The following PTPRB variants were observed in gnomAD, a reference collection of about 807,000 sequenced individuals.
PTPRB encodes protein tyrosine phosphatase receptor type B, also known as receptor-type tyrosine-protein phosphatase beta.
In PTPRB, 97 loss-of-function variants were observed where a neutral mutation model predicts 238.1. The observed-to-expected ratio is 0.41, with a 90% CI of 0.35 to 0.48. The LOEUF is 0.48. Among genes scored for constraint, PTPRB ranks in the 20% least tolerant of loss-of-function variants. The pLI is 0.30. For missense variants in PTPRB, 2,292 were observed against 2,681.9 expected (o/e 0.85, Z 3.21); for synonymous variants, 970 against 995.4 (o/e 0.97, Z 0.48).
rs112333061 is a variant in PTPRB at position 70,581,283 on chromosome 12, G to A, written c.2331C>T (p.Asp777=). 4,844 of 1,613,380 alleles carry A rather than the reference G, an allele frequency of 3.0e-3. 10 individuals carry two copies. The highest frequency in any genetic ancestry group is 3.5e-3 in the Non-Finnish European group (4,071 of 1,179,512). ...KGRTVPAQVT[D]LHVANQGMTS... ...TCATTCCTTGGTTGGCCACATGCAA[G>A]TCAGTCACTTGGGCAGGCACTAAAA... is the stretch of plus-strand genomic sequence containing the variant. Residue 777 remains aspartate, a synonymous_variant, in exon 10 of 34, where the codon GAC becomes GAT. Coordinates refer to ENST00000334414, the MANE Select transcript of PTPRB (RefSeq NM_001109754.4).
intron 2 of PTPRB, among the ~76,000 whole-genome samples, chr12:70,623,194 C>G (rs886423005): frequency 2.0e-5 from 3 of 152,154 alleles, no homozygotes; most frequent in African/African-American, 7.2e-5. Context: ...ACAGTGCAAA[C>G]TGTTTCTAAT....
chr12:70,636,388 A>G (rs1885693636), intron 1 of PTPRB, among the ~76,000 whole-genome samples: 2 of 151,954 alleles, frequency 1.3e-5, no homozygotes, highest in Non-Finnish European at 1.5e-5. Context: ...TCCAAAGTAT[A>G]TAGTATATTT....
intron 32 of PTPRB, among the ~76,000 whole-genome samples, chr12:70,528,583 C>T (rs73330195): frequency 0.028 from 4,324 of 152,222 alleles, 217 homozygotes; most frequent in African/African-American, 0.098. Context: ...AAGAAATCCA[C>T]TCCATTGAGC....
intron 16 of PTPRB, among the ~76,000 whole-genome samples, chr12:70,562,457 A>G (rs908810993): frequency 6.6e-6 from 1 of 152,072 alleles, no homozygotes; most frequent in African/African-American, 2.4e-5. Context: ...CCTGTTTGTT[A>G]TATTTGTGGT....
chr12:70,632,255 A>T (rs550472429), intron 2 of PTPRB, among the ~76,000 whole-genome samples: 2 of 152,352 alleles, frequency 1.3e-5, no homozygotes, highest in East Asian at 1.9e-4. Context: ...AGCCATAAAA[A>T]ATGATGAGTT....
intron 32 of PTPRB, among the ~76,000 whole-genome samples, chr12:70,529,698 A>C (rs1872891876): frequency 6.6e-6 from 1 of 152,174 alleles, no homozygotes; most frequent in Admixed American, 6.5e-5. Context: ...GCAACCTTTG[A>C]TGAAATAACA....
Position 70,596,170 on chromosome 12 carries a change from T to C in PTPRB, c.1137A>G (p.Glu379=). ...AAGTGTATTCATTCCATGAAGTACT[T>C]TCTTGAATTTGAACCCCCTGTATCT... ...NQKIQGVQIQ[E]STSWNEYTFF... is the part of the protein sequence containing the mutation. Residue 379 remains glutamate, a synonymous_variant, in exon 5 of 34, where the codon GAA becomes GAG. Coordinates refer to ENST00000334414, the MANE Select transcript of PTPRB (RefSeq NM_001109754.4). 1.9e-6 allele frequency: 3 copies of C among 1,613,780 alleles called. No individual in the cohort carries two copies. The highest frequency in any genetic ancestry group is 1.7e-6 in the Non-Finnish European group (2 of 1,179,804).
At position 70,560,830 on chromosome 12, in the gene PTPRB, T is replaced by C; in HGVS notation, c.4273A>G (p.Ile1425Val). 1 of 1,614,006 alleles carries C rather than the reference T, an allele frequency of 6.2e-7. No homozygotes were observed. The highest frequency in any genetic ancestry group is 8.5e-7 in the Non-Finnish European group (1 of 1,179,898). The change falls in exon 17 of 34, where the codon ATT becomes GTT. Residue 1425 changes from isoleucine to valine, a missense_variant. Physicochemically the swap from Ile to Val is conservative, Grantham distance 29. Coordinates refer to ENST00000334414, the MANE Select transcript of PTPRB (RefSeq NM_001109754.4). This position sits in a 1 kb window ranked among gnomAD's most constrained non-coding sequence, Gnocchi z 4.2. ...ASGDFDFYELILYNPNGTKKE... is the reference protein window; with the variant it reads ...ASGDFDFYELVLYNPNGTKKE... Reference sequence around the variant, plus strand: ...TTTGTGCCATTGGGATTATAGAGAATCAGCTCATAAAAGTCAAAGTCCCCA... The same window carrying C: ...TTTGTGCCATTGGGATTATAGAGAACCAGCTCATAAAAGTCAAAGTCCCCA...
At chr12:70,548,342 TCTCTCACACACACACACACACACA>T (rs1876368798) in intron 21 of PTPRB, among the ~76,000 whole-genome samples, 1 of 58,438 alleles carries the variant, frequency 1.7e-5, no homozygotes, top group Non-Finnish European at 3.2e-5. Context: ...TCTCTCTCTC[TCTCTCACACACACACACACACACA>T]CACACACACA....
Position 70,521,370 on chromosome 12 carries a change from TAATA to T in PTPRB, c.*115_*118del, listed in dbSNP as rs1871630767. On this transcript the variant is annotated 3_prime_UTR_variant, in exon 34 of 34. Transcript: ENST00000334414. ...ATAAAATTTTAAACATTCTCCAGAT[TAATA>T]AATTATACATAGTATCAACAGAAAT... The T allele has an allele frequency of 1.7e-5, 10 of 604,012 alleles. No homozygotes were observed. Among genetic ancestry groups the T allele is most frequent in the Non-Finnish European group, 2.4e-5 (9 of 376,682 alleles). 37.4% of individuals were successfully genotyped at this position (604,012 alleles called of 1,614,324 possible). A position where few individuals can be genotyped will look rare whatever the true frequency, so the allele number is the denominator to read the frequency against.
In PTPRB at chr12:70,550,176, G is replaced by A. The variant is rs140129441; in HGVS notation, c.5387+2601C>T. ...CCAACTGCCCAGCTGTGGGCTGACA[G>A]GATAGTGTGGGTGGTTGAGGGTTGA... On this transcript the variant is annotated intron_variant, in intron 21 of 33. Transcript: ENST00000334414. 5.7e-3 allele frequency among the ~76,000 whole-genome samples: 872 copies of A among 152,336 alleles called. 6 individuals are homozygous for A. Among genetic ancestry groups the A allele is most frequent in the South Asian group, 0.04 (192 of 4,824 alleles).
In PTPRB at chr12:70,563,041, G is replaced by A. The variant is rs758287668; in HGVS notation, c.3971C>T (p.Thr1324Ile). 2.5e-6 allele frequency: 4 copies of A among 1,613,890 alleles called. No individual in the cohort carries two copies. The South Asian group carries it at 3.3e-5, about 13-fold the overall frequency. ...CCAGCTGAGCTCCCCCTCTGAGGCG[G>A]TCCAGCGGAAGGACAGGTGCCTGGT... The part of the protein sequence containing the change: ...NSTRHLSFRW[T>I]ASEGELSWYN... Residue 1324 changes from threonine (T) to isoleucine (I), a missense_variant, in exon 16 of 34, where the codon ACC (threonine) becomes ATC (isoleucine). Physicochemically the swap from Thr to Ile is moderately conservative, Grantham distance 89. Transcript: ENST00000334414.
In PTPRB at chr12:70,609,200, G is replaced by C. The variant is rs1731856624; in HGVS notation, c.848C>G (p.Ala283Gly). 3 of 1,613,920 alleles carry C rather than the reference G, an allele frequency of 1.9e-6. No individual in the cohort carries two copies. Among genetic ancestry groups the C allele is most frequent in the Non-Finnish European group, 2.5e-6 (3 of 1,179,898 alleles). Reference protein sequence around the residue: ...SLIYSSDTLGAALCPTFRIDN... With the variant: ...SLIYSSDTLGGALCPTFRIDN... Reference sequence around the variant, plus strand: ...TATCCGAAAGGTAGGGCACAACGCGGCCCCCAGGGTGTCACTGCTATAGAT... The same window carrying C: ...TATCCGAAAGGTAGGGCACAACGCGCCCCCCAGGGTGTCACTGCTATAGAT... Residue 283 changes from alanine (A) to glycine (G), a missense_variant, in exon 4 of 34, where the codon GCC (alanine) becomes GGC (glycine). Ala to Gly is a moderately conservative substitution (Grantham distance 60). Around this residue, in one of 4 missense-constraint regions of PTPRB, gnomAD observed 1,205 missense variants for 1,287.8 expected, o/e 0.94. Coordinates refer to ENST00000334414, the MANE Select transcript of PTPRB (RefSeq NM_001109754.4).
At chr12:70,625,815 A>G (rs924791548) in intron 2 of PTPRB, among the ~76,000 whole-genome samples, 1 of 152,126 alleles carries the variant, frequency 6.6e-6, no homozygotes, top group African/African-American at 2.4e-5. Flanking sequence ...CTATAACACA[A>G]TTTCTCCCAG....
At chr12:70,527,058 A>T (rs1364095489) in intron 32 of PTPRB, among the ~76,000 whole-genome samples, 1 of 152,210 alleles carries the variant, frequency 6.6e-6, no homozygotes, top group Non-Finnish European at 1.5e-5. Context: ...ATCACAAAAG[A>T]TAATTTTTTG....
chr12:70,613,314 C>T (rs1884542532), intron 3 of PTPRB, among the ~76,000 whole-genome samples: 1 of 152,066 alleles, frequency 6.6e-6, no homozygotes. Context: ...TCTCCACTTG[C>T]TTGGGTCTGA....
chr12:70,539,306 G>A, intron 26 of PTPRB: 1 of 529,526 alleles, frequency 1.9e-6, no homozygotes, highest in Admixed American at 3.3e-5. Context: ...CGAAACCACG[G>A]CATCTTCCAG....
In PTPRB at chr12:70,563,037, G is replaced by T; in HGVS notation, c.3975C>A (p.Ala1325=). The T allele has an allele frequency of 6.2e-7, 1 of 1,613,912 alleles. No homozygotes were observed. Among genetic ancestry groups the T allele is most frequent in the Non-Finnish European group, 8.5e-7 (1 of 1,179,874 alleles). Residue 1325 remains alanine, a synonymous_variant, in exon 16 of 34, where the codon GCC becomes GCA. Coordinates refer to ENST00000334414, the MANE Select transcript of PTPRB (RefSeq NM_001109754.4). ...TGTACCAGCTGAGCTCCCCCTCTGA[G>T]GCGGTCCAGCGGAAGGACAGGTGCC... is the stretch of plus-strand genomic sequence containing the variant. The part of the protein sequence containing the change: ...STRHLSFRWT[A]SEGELSWYNI...
At chr12:70,622,951 G>A (rs113225086) in intron 2 of PTPRB, among the ~76,000 whole-genome samples, 13 of 135,354 alleles carry the variant, frequency 9.6e-5, no homozygotes, top group African/African-American at 2.6e-4. Flanking sequence ...GAGAATTTAG[G>A]GGGGGGGTCA....
Sources: allele counts gnomAD v4.1 joint callset (sites outside exome capture counted in the v4.1 genomes callset), GRCh38; gene constraint gnomAD v4.1.1; regional missense constraint gnomAD v4.1.1; non-coding constraint Gnocchi (gnomAD v3.1); transcripts MANE v1.5; gene names NCBI Gene and HGNC (gene_info 2026-07-23, HGNC 2026-07-21).